Variants in BMP6 observed in about 807,000 individuals in gnomAD.
BMP6 encodes the protein bone morphogenetic protein 6, also known as VG-1-R.
In BMP6, 17 loss-of-function variants were observed where a neutral mutation model predicts 54.1. That is an observed-to-expected ratio of 0.31 (90% confidence interval 0.22 to 0.47). BMP6 has a LOEUF of 0.47. BMP6 is among the 20% of genes least tolerant of loss of function. The pLI, the probability that BMP6 is intolerant of heterozygous loss-of-function variation, is 1.00. For missense variants in BMP6, 720 were observed against 690.4 expected, an observed-to-expected ratio of 1.04 and a Z score of -0.48; for synonymous variants, 328 against 291.2, an observed-to-expected ratio of 1.13 and a Z score of -1.28.
chr6:7,844,607 C>G (rs111840703), intron 1 of BMP6, among the ~76,000 whole-genome samples: 1 of 152,148 alleles, frequency 6.6e-6, no homozygotes, highest in Non-Finnish European at 1.5e-5. Context: ...TTGCCCACCC[C>G]CCTTCCCCAC....
Position 7,727,128 on chromosome 6 carries a change from C to T in BMP6, c.173C>T (p.Pro58Leu), listed in dbSNP as rs1761741695. The change falls in exon 1 of 7, where the codon CCG (proline) becomes CTG (leucine). Residue 58 changes from proline to leucine, a missense_variant. Pro to Leu is a moderately conservative substitution (Grantham distance 98). This residue lies in a region of BMP6 where 650 missense variants were observed against 556.3 expected (regional missense o/e 1.17). Transcript: ENST00000283147. The part of the protein sequence containing the change: ...GSPGRTEQPP[P>L]SPQSSSGFLY... The stretch of plus-strand genomic sequence containing the variant: ...CCCGGCCGCACGGAGCAGCCGCCGC[C>T]GTCGCCGCAGTCCTCCTCGGGCTTC... 4 of 1,529,878 alleles carry T rather than the reference C, an allele frequency of 2.6e-6. No homozygotes were observed. Among genetic ancestry groups the T allele is most frequent in the Non-Finnish European group, 8.8e-7 (1 of 1,141,032 alleles). 94.8% of individuals were successfully genotyped at this position (1,529,878 alleles called of 1,614,324 possible). A position where few individuals can be genotyped will look rare whatever the true frequency, so the allele number is the denominator to read the frequency against.
chr6:7,821,490 T>G (rs1364405064), intron 1 of BMP6, among the ~76,000 whole-genome samples: 1 of 152,090 alleles, frequency 6.6e-6, no homozygotes, highest in African/African-American at 2.4e-5. Flanking sequence ...GGCAGCATCG[T>G]GAAACCCCAT....
intron 1 of BMP6, among the ~76,000 whole-genome samples, chr6:7,844,344 G>GTTTTTT (rs34279744): frequency 6.9e-6 from 1 of 145,196 alleles, no homozygotes. Context: ...TTTCCCCCCA[G>GTTTTTT]TTTTTTTTTT....
chr6:7,846,832 T>G (rs1434609044), intron 2 of BMP6, among the ~76,000 whole-genome samples: 1 of 152,226 alleles, frequency 6.6e-6, no homozygotes, highest in Non-Finnish European at 1.5e-5. Flanking sequence ...TTGGAACTGT[T>G]TTAGCCATTG....
chr6:7,844,092 C>A (rs1759020080), intron 1 of BMP6, among the ~76,000 whole-genome samples: 1 of 152,114 alleles, frequency 6.6e-6, no homozygotes, highest in African/African-American at 2.4e-5. Context: ...TTTTCTGCTT[C>A]TGTGAGTTCC....
chr6:7,729,456 A>C (rs1321960722), intron 1 of BMP6, among the ~76,000 whole-genome samples: 1 of 152,090 alleles, frequency 6.6e-6, no homozygotes, highest in African/African-American at 2.4e-5. Flanking sequence ...ATCGTGTTAC[A>C]GTCCCTGGGA....
At chr6:7,877,258 A>G (rs1271508690) in intron 4 of BMP6, among the ~76,000 whole-genome samples, 3 of 152,144 alleles carry the variant, frequency 2.0e-5, no homozygotes, top group Non-Finnish European at 2.9e-5. Flanking sequence ...TAAACCACCT[A>G]AAAAAGTTGC....
chr6:7,727,656 C>A (rs777180646), intron 1 of BMP6, 37 bp downstream of exon 1: 3 of 1,479,424 alleles, frequency 2.0e-6, no homozygotes, highest in Non-Finnish European at 2.7e-6. Flanking sequence ...GAGAACATTT[C>A]CCCCTTTTCA....
At chr6:7,845,722 C>G (rs188711543) in intron 2 of BMP6, among the ~76,000 whole-genome samples, 1 of 151,694 alleles carries the variant, frequency 6.6e-6, no homozygotes, top group Admixed American at 6.6e-5. Flanking sequence ...CCAGTGAATA[C>G]AAGGCAGTGT....
chr6:7,777,082 A>G (rs1757871811), intron 1 of BMP6, among the ~76,000 whole-genome samples: 1 of 152,198 alleles, frequency 6.6e-6, no homozygotes, highest in Non-Finnish European at 1.5e-5. Flanking sequence ...CTTCTAAATC[A>G]CAGCCCTTAG....
intron 1 of BMP6, among the ~76,000 whole-genome samples, chr6:7,738,806 A>T (rs2113113715): frequency 6.6e-6 from 1 of 152,376 alleles, no homozygotes; most frequent in African/African-American, 2.4e-5. Flanking sequence ...GGCAGGGAAG[A>T]TGGTGAACAC....
At chr6:7,855,265 A>C (rs1430809370) in intron 2 of BMP6, among the ~76,000 whole-genome samples, 1 of 152,174 alleles carries the variant, frequency 6.6e-6, no homozygotes, top group African/African-American at 2.4e-5. Flanking sequence ...TGGCTCACAA[A>C]GTATGGTTCT....
At chr6:7,755,412 T>C (rs1389070112) in intron 1 of BMP6, among the ~76,000 whole-genome samples, 1 of 152,216 alleles carries the variant, frequency 6.6e-6, no homozygotes, top group African/African-American at 2.4e-5. Flanking sequence ...TGTTTTTAAA[T>C]ATTTTACCAC....
intron 2 of BMP6, among the ~76,000 whole-genome samples, chr6:7,859,757 A>G (rs990512836): frequency 3.3e-5 from 5 of 152,176 alleles, no homozygotes; most frequent in Non-Finnish European, 7.3e-5. Context: ...TGACACATCC[A>G]CATCAGAGAG....
At chr6:7,732,581 G>T (rs1392244668) in intron 1 of BMP6, among the ~76,000 whole-genome samples, 2 of 152,174 alleles carry the variant, frequency 1.3e-5, no homozygotes, top group East Asian at 3.8e-4. Flanking sequence ...CATATAATTT[G>T]TTGCCTCTCT....
chr6:7,786,388 GA>G (rs1282972189), intron 1 of BMP6, among the ~76,000 whole-genome samples: 1 of 151,520 alleles, frequency 6.6e-6, no homozygotes, highest in African/African-American at 2.4e-5. Flanking sequence ...CTCACACTTA[GA>G]GAATTCTGGT....
intron 3 of BMP6, 109 bp from the exon 4 acceptor site, chr6:7,862,192 A>T: frequency 7.8e-7 from 1 of 1,286,990 alleles, no homozygotes; most frequent in South Asian, 1.3e-5. Flanking sequence ...CTTCACACTC[A>T]TTCTTAAGGA....
At chr6:7,744,737 G>A (rs1178073637) in intron 1 of BMP6, among the ~76,000 whole-genome samples, 1 of 152,166 alleles carries the variant, frequency 6.6e-6, no homozygotes, top group African/African-American at 2.4e-5. Flanking sequence ...GAGTCACCCA[G>A]AATTTAGGAC....
chr6:7,861,748 G>C, intron 3 of BMP6, 149 bp downstream of exon 3: 1 of 1,231,530 alleles, frequency 8.1e-7, no homozygotes, highest in Non-Finnish European at 1.1e-6. Flanking sequence ...CTTGCATTGA[G>C]AACCAAAACC....
Sources: gnomAD v4.1 joint callset for allele counts (sites outside exome capture counted in the v4.1 genomes callset) on GRCh38, gnomAD v4.1.1 for gene constraint, gnomAD v4.1.1 regional missense constraint, MANE v1.5 for transcripts, NCBI Gene and HGNC (gene_info 2026-07-23, HGNC 2026-07-21) for gene names.